The following TMEM117 variants were observed in gnomAD, a reference collection of about 807,000 sequenced individuals.
The protein encoded by TMEM117 is transmembrane protein 117.
Under a neutral mutation model 52.4 loss-of-function variants are expected in TMEM117, and 27 were observed. The ratio of observed to expected loss-of-function variants is 0.51; its 90% CI spans 0.38 to 0.71. The LOEUF (loss-of-function observed/expected upper bound fraction) is 0.71. Ranked by LOEUF, TMEM117 falls within the 30% of genes least tolerant of loss-of-function variation. TMEM117 has a pLI of 0.00. For missense variants in TMEM117, 556 were observed against 630.5 expected, an observed-to-expected ratio of 0.88 and a Z score of 1.26; for synonymous variants, 215 against 206.3, an observed-to-expected ratio of 1.04 and a Z score of -0.36.
chr12:44,066,263 A>G (rs1355160177), intron 3 of TMEM117, among the ~76,000 whole-genome samples: 1 of 152,192 alleles, frequency 6.6e-6, no homozygotes, highest in African/African-American at 2.4e-5. Context: ...GCCAAACTTA[A>G]TTTAACAAGG....
chr12:44,083,232 T>C (rs1947511247), intron 3 of TMEM117, among the ~76,000 whole-genome samples: 1 of 152,124 alleles, frequency 6.6e-6, no homozygotes, highest in Non-Finnish European at 1.5e-5. Flanking sequence ...AATGTTCAAC[T>C]TGGATATTGA....
chr12:44,095,989 T>C, intron 3 of TMEM117, among the ~76,000 whole-genome samples: 1 of 152,172 alleles, frequency 6.6e-6, no homozygotes, highest in East Asian at 1.9e-4. Flanking sequence ...GCCCAAAATC[T>C]CCTTAAGCTG....
chr12:44,072,373 A>G (rs1456584416), intron 3 of TMEM117, among the ~76,000 whole-genome samples: 1 of 152,162 alleles, frequency 6.6e-6, no homozygotes, highest in Non-Finnish European at 1.5e-5. Context: ...CAGGCTTCAC[A>G]TTCCCGTTCC....
intron 3 of TMEM117, among the ~76,000 whole-genome samples, chr12:43,950,535 A>AT (rs760143366): frequency 0.21 from 15,021 of 72,388 alleles, 904 homozygotes; most frequent in East Asian, 0.43. Flanking sequence ...GCTCTGAACT[A>AT]TTTTTTTTTT....
chr12:44,018,610 C>T (rs1946407502), intron 3 of TMEM117, among the ~76,000 whole-genome samples: 1 of 152,132 alleles, frequency 6.6e-6, no homozygotes, highest in Non-Finnish European at 1.5e-5. Flanking sequence ...TTATGAATTC[C>T]TTAAACCACA....
intron 5 of TMEM117, among the ~76,000 whole-genome samples, chr12:44,215,287 A>C (rs982133566): frequency 6.6e-6 from 1 of 152,196 alleles, no homozygotes; most frequent in African/African-American, 2.4e-5. Context: ...CTTAATTTTC[A>C]GTGATAGGTG....
At chr12:43,839,879 C>T (rs911271216) in intron 1 of TMEM117, among the ~76,000 whole-genome samples, 2 of 152,214 alleles carry the variant, frequency 1.3e-5, no homozygotes, top group African/African-American at 4.8e-5. Flanking sequence ...TGCTCTGAAA[C>T]TTTTGATAAT....
intron 2 of TMEM117, among the ~76,000 whole-genome samples, chr12:43,848,713 C>T (rs1565717551): frequency 6.6e-6 from 1 of 152,158 alleles, no homozygotes; most frequent in Non-Finnish European, 1.5e-5. Flanking sequence ...GACATACATC[C>T]TCAGCTTACG....
chr12:44,229,517 G>A (rs2138447812), intron 5 of TMEM117, among the ~76,000 whole-genome samples: 1 of 152,196 alleles, frequency 6.6e-6, no homozygotes, highest in Non-Finnish European at 1.5e-5. Context: ...CATGCTACAG[G>A]AAAAGACACA....
intron 7 of TMEM117, among the ~76,000 whole-genome samples, chr12:44,378,641 C>CTACA (rs1951975824): frequency 6.6e-6 from 1 of 152,226 alleles, no homozygotes; most frequent in East Asian, 1.9e-4. Context: ...ATAGCAGAGA[C>CTACA]TACATATTAA....
intron 6 of TMEM117, among the ~76,000 whole-genome samples, chr12:44,300,872 C>T (rs748322672): frequency 6.6e-6 from 1 of 152,182 alleles, no homozygotes; most frequent in Non-Finnish European, 1.5e-5. Flanking sequence ...ACAGCACTGG[C>T]AGGTTCTAGA....
intron 2 of TMEM117, among the ~76,000 whole-genome samples, chr12:43,939,044 G>A (rs183869168): frequency 6.6e-6 from 1 of 151,906 alleles, no homozygotes. Flanking sequence ...AAGAAAATGT[G>A]AGAAGGAAGC....
intron 4 of TMEM117, among the ~76,000 whole-genome samples, chr12:44,196,122 A>C (rs1172352519): frequency 2.6e-5 from 4 of 152,046 alleles, no homozygotes; most frequent in African/African-American, 7.2e-5. Flanking sequence ...ATAAGTTGAC[A>C]GAATATGCTA....
At chr12:44,003,368 C>A (rs1329679441) in intron 3 of TMEM117, among the ~76,000 whole-genome samples, 1 of 152,190 alleles carries the variant, frequency 6.6e-6, no homozygotes, top group African/African-American at 2.4e-5. Flanking sequence ...TGCTCTTGTG[C>A]CTCAGCCACC....
At position 43,844,729 on chromosome 12, in the gene TMEM117, C is replaced by A; in HGVS notation, c.78C>A (p.Asn26Lys). 6.2e-7 allele frequency: 1 copy of A among 1,614,182 alleles called. No individual in the cohort carries two copies. Among genetic ancestry groups the A allele is most frequent in the Non-Finnish European group, 8.5e-7 (1 of 1,180,036 alleles). ...TGGCTTACTTGGTGATCTTCTTTAA[C>A]TTCTTAATATTTGCGGAGGACCCAG... ...MIVAYLVIFF[N>K]FLIFAEDPVS... The change falls in exon 2 of 8, where the codon AAC (asparagine) becomes AAA (lysine). Residue 26 changes from asparagine (N) to lysine (K), a missense_variant. Coordinates refer to ENST00000266534, the MANE Select transcript of TMEM117 (RefSeq NM_032256.3).
At chr12:44,140,976 C>T (rs1015308084) in intron 3 of TMEM117, among the ~76,000 whole-genome samples, 1 of 152,124 alleles carries the variant, frequency 6.6e-6, no homozygotes, top group Non-Finnish European at 1.5e-5. Flanking sequence ...TCTCCTTCCT[C>T]ACTAGGATCT....
chr12:43,921,676 T>C (rs1028521570), intron 2 of TMEM117, among the ~76,000 whole-genome samples: 21 of 152,222 alleles, frequency 1.4e-4, no homozygotes, highest in African/African-American at 5.1e-4. Context: ...TAATCACATT[T>C]TGTTTTAATG....
intron 6 of TMEM117, among the ~76,000 whole-genome samples, chr12:44,352,734 T>C (rs2138784021): frequency 6.6e-6 from 1 of 152,308 alleles, no homozygotes; most frequent in South Asian, 2.1e-4. Flanking sequence ...TTTGCTATTA[T>C]GAATAGTGCT....
At chr12:44,308,620 T>A (rs1236316741) in intron 6 of TMEM117, among the ~76,000 whole-genome samples, 1 of 91,888 alleles carries the variant, frequency 1.1e-5, no homozygotes, top group Non-Finnish European at 1.9e-5. Flanking sequence ...TCTTTGTAAC[T>A]TTTTTTTTTT....
Sources: gnomAD v4.1 joint callset for allele counts (sites outside exome capture counted in the v4.1 genomes callset) on GRCh38, gnomAD v4.1.1 for gene constraint, MANE v1.5 for transcripts, NCBI Gene and HGNC (gene_info 2026-07-23, HGNC 2026-07-21) for gene names.